The following PTPRQ variants were observed in gnomAD, a reference collection of about 807,000 sequenced individuals.
PTPRQ encodes the protein protein tyrosine phosphatase receptor type Q.
Under a neutral mutation model 246.0 loss-of-function variants are expected in PTPRQ, and 199 were observed. That is an observed-to-expected ratio of 0.81 (90% CI 0.72 to 0.91). The LOEUF is 0.91. Among genes scored for constraint, PTPRQ ranks in the 40% least tolerant of loss-of-function variants. The pLI, the probability that PTPRQ is intolerant of heterozygous loss-of-function variation, is 0.00. For synonymous variants in PTPRQ, 869 were observed against 853.2 expected, an observed-to-expected ratio of 1.02 and a Z score of -0.32; for missense variants, 2,624 against 2,528.4, an observed-to-expected ratio of 1.04 and a Z score of -0.81.
At chr12:80,658,168 T>C (rs1900506171) in intron 39 of PTPRQ, 107 bp downstream of exon 39, 2 of 654,924 alleles carry the variant, frequency 3.1e-6, no homozygotes, top group East Asian at 7.7e-5. Context: ...CTCCTATGGA[T>C]CTTAATATGC....
At chr12:80,583,367 C>T (rs1233120720) in intron 25 of PTPRQ, among the ~76,000 whole-genome samples, 10 of 151,848 alleles carry the variant, frequency 6.6e-5, no homozygotes, top group African/African-American at 2.4e-4. Context: ...GAGATGGATG[C>T]GGAAGCAAAA....
At chr12:80,614,255 G>T (rs1356884365) in intron 29 of PTPRQ, among the ~76,000 whole-genome samples, 1 of 150,702 alleles carries the variant, frequency 6.6e-6, no homozygotes, top group Non-Finnish European at 1.5e-5. Context: ...TTTTAACCAA[G>T]TATTACTAAA....
chr12:80,468,809 GT>G lies in PTPRQ; in HGVS notation c.1012del (p.Tyr338IlefsTer27). On this transcript the variant is annotated frameshift_variant, in exon 7 of 45. Transcript: ENST00000644991. LOFTEE classifies it high-confidence loss of function. ...DPPTIVTGKF[S>X]YRVELYGPSG... ...CCAACTATAGTAACAGGGAAATTTA[GT>G]TATAGAGTTGAATTATATGGACCAT... is the stretch of plus-strand genomic sequence containing the variant. 1 of 1,549,644 alleles carries G rather than the reference GT, an allele frequency of 6.5e-7. No individual in the cohort carries two copies. Among genetic ancestry groups the G allele is most frequent in the Non-Finnish European group, 8.7e-7 (1 of 1,146,092 alleles).
intron 19 of PTPRQ, among the ~76,000 whole-genome samples, chr12:80,537,724 G>GT (rs1195401549): frequency 1.3e-5 from 2 of 152,106 alleles, no homozygotes; most frequent in Non-Finnish European, 2.9e-5. Flanking sequence ...GTTGCACATT[G>GT]TATTTTGTAC....
At chr12:80,457,532 A>G in intron 3 of PTPRQ, 43 bp from the exon 4 acceptor site, 1 of 400,002 alleles carries the variant, frequency 2.5e-6, no homozygotes, top group Non-Finnish European at 4.4e-6. Context: ...CTCTTTTTTC[A>G]GGGAGTAAAA....
At chr12:80,505,797 G>A (rs1053119779) in intron 14 of PTPRQ, among the ~76,000 whole-genome samples, 2 of 151,780 alleles carry the variant, frequency 1.3e-5, no homozygotes, top group Admixed American at 1.3e-4. Flanking sequence ...TCTTATAACT[G>A]TTATTCTGTG....
At position 80,605,082 on chromosome 12, in the gene PTPRQ, G is replaced by T. The variant is rs1211911837; in HGVS notation, c.4633G>T (p.Val1545Phe). The change falls in exon 27 of 45, where the codon GTT (valine) becomes TTT (phenylalanine). Residue 1545 changes from valine (V) to phenylalanine (F), a missense_variant. Physicochemically the swap from Val to Phe is conservative, Grantham distance 50. Coordinates refer to ENST00000644991, the MANE Select transcript of PTPRQ (RefSeq NM_001145026.2). ...PGPPDGPPEN[V>F]HVVATSPFSI... ...AGCTCCAGATGGTCCTCCTGAAAATGTTCATGTAGTAGCAACATCACCTTT... is the reference window on the plus strand; with the variant it reads ...AGCTCCAGATGGTCCTCCTGAAAATTTTCATGTAGTAGCAACATCACCTTT... 1 of 1,543,218 alleles carries T rather than the reference G, an allele frequency of 6.5e-7. No homozygotes were observed. The highest frequency in any genetic ancestry group is 8.8e-7 in the Non-Finnish European group (1 of 1,142,334).
intron 6 of PTPRQ, among the ~76,000 whole-genome samples, chr12:80,465,689 G>T (rs1309636699): frequency 6.6e-6 from 1 of 152,084 alleles, no homozygotes. Flanking sequence ...TGGGATGCAA[G>T]GCTGGTTCAA....
chr12:80,506,670 G>A lies in PTPRQ; in HGVS notation c.2557G>A (p.Ala853Thr). The A allele has an allele frequency of 6.5e-7, 1 of 1,538,436 alleles. No individual in the cohort carries two copies. Among genetic ancestry groups the A allele is most frequent in the Non-Finnish European group, 8.8e-7 (1 of 1,139,208 alleles). Residue 853 changes from alanine (A) to threonine (T), a missense_variant and splice_region_variant, in exon 16 of 45, where the codon GCT (alanine) becomes ACT (threonine). Ala to Thr is a moderately conservative substitution (Grantham distance 58). Transcript: ENST00000644991. Reference protein sequence around the residue: ...APISILTEEDAPDSPPQDFSV... With the variant: ...APISILTEEDTPDSPPQDFSV... Reference sequence around the variant, plus strand: ...CATAAGTATACTGACGGAGGAAGATGGTAAATATAATAGTGGATATTGATA... The same window carrying A: ...CATAAGTATACTGACGGAGGAAGATAGTAAATATAATAGTGGATATTGATA...
intron 25 of PTPRQ, among the ~76,000 whole-genome samples, chr12:80,565,338 C>T (rs1439861010): frequency 6.6e-6 from 1 of 152,176 alleles, no homozygotes; most frequent in Non-Finnish European, 1.5e-5. Flanking sequence ...TTGCTTTATC[C>T]AAGCTCCAGC....
Position 80,468,462 on chromosome 12 carries a change from A to C in PTPRQ, c.911-248A>C, listed in dbSNP as rs574824512. ...ATGAATATTAGAATGAAACTTGCGCAGTGCAATAGTAAACAGTATTAAATA... is the reference window on the plus strand; with the variant it reads ...ATGAATATTAGAATGAAACTTGCGCCGTGCAATAGTAAACAGTATTAAATA... On this transcript the variant is annotated intron_variant, in intron 6 of 44. Coordinates refer to ENST00000644991, the MANE Select transcript of PTPRQ (RefSeq NM_001145026.2). Among the ~76,000 whole-genome samples the C allele has an allele frequency of 5.4e-4, 83 of 152,336 alleles. 1 individual carries two copies. Among genetic ancestry groups the C allele is most frequent in the Non-Finnish European group, 9.9e-4 (67 of 68,020 alleles).
Position 80,528,539 on chromosome 12 carries a change from A to G in PTPRQ, c.2679-5476A>G, listed in dbSNP as rs1895757740. ...TGGGAAGTCATTTTTCATGTTTTTG[A>G]TCAGTTTCCTCTCCTGTTGTCCTCA... On this transcript the variant is annotated intron_variant, in intron 17 of 44. Transcript: ENST00000644991. Among the ~76,000 whole-genome samples the G allele has an allele frequency of 2.6e-5, 4 of 152,160 alleles. No individual in the cohort carries two copies. The South Asian group carries it at 8.3e-4, about 32-fold the overall frequency.
intron 25 of PTPRQ, among the ~76,000 whole-genome samples, chr12:80,552,273 G>GA (rs1565781484): frequency 1.3e-5 from 2 of 151,968 alleles, no homozygotes; most frequent in Non-Finnish European, 2.9e-5. Context: ...TCTGTGGGAA[G>GA]AAAAAATGTC....
chr12:80,519,768 C>A (rs1895414474), intron 17 of PTPRQ, among the ~76,000 whole-genome samples: 2 of 152,130 alleles, frequency 1.3e-5, no homozygotes. Flanking sequence ...TACACAAAGT[C>A]ATTCAAGTGC....
chr12:80,567,479 C>A (rs925588054), intron 25 of PTPRQ, among the ~76,000 whole-genome samples: 3 of 152,144 alleles, frequency 2.0e-5, no homozygotes, highest in Non-Finnish European at 4.4e-5. Flanking sequence ...ATTTCCATCC[C>A]CCATAGAAAG....
intron 39 of PTPRQ, among the ~76,000 whole-genome samples, chr12:80,666,458 G>T (rs1900790038): frequency 6.6e-6 from 1 of 151,902 alleles, no homozygotes; most frequent in Admixed American, 6.6e-5. Context: ...CAAAATTACA[G>T]CTAGATAGGA....
At chr12:80,500,109 C>T (rs1894752747) in intron 14 of PTPRQ, among the ~76,000 whole-genome samples, 1 of 151,882 alleles carries the variant, frequency 6.6e-6, no homozygotes, top group Non-Finnish European at 1.5e-5. Flanking sequence ...TAAAATTTGT[C>T]TGCATACATT....
chr12:80,653,568 C>A (rs1404404390), intron 38 of PTPRQ, among the ~76,000 whole-genome samples: 2 of 151,994 alleles, frequency 1.3e-5, no homozygotes, highest in East Asian at 1.9e-4. Flanking sequence ...GAAATGTTCC[C>A]AATTTTAAAG....
At chr12:80,649,497 T>G (rs1205658812) in intron 36 of PTPRQ, 91 bp from the exon 37 acceptor site, 1 of 1,458,626 alleles carries the variant, frequency 6.9e-7, no homozygotes, top group Non-Finnish European at 9.1e-7. Flanking sequence ...TCCATTGTTC[T>G]TTAACTTGTT....
Sources: allele counts gnomAD v4.1 joint callset (sites outside exome capture counted in the v4.1 genomes callset), GRCh38; gene constraint gnomAD v4.1.1; transcripts MANE v1.5; gene names NCBI Gene and HGNC (gene_info 2026-07-23, HGNC 2026-07-21).